MTHFD1: variants seen among roughly 807,000 people sequenced by gnomAD.
MTHFD1 encodes the protein methylenetetrahydrofolate dehydrogenase, cyclohydrolase and formyltetrahydrofolate synthetase 1, also known as C-1-tetrahydrofolate synthase, cytoplasmic.
MTHFD1 carries 44 observed loss-of-function variants against 110.3 expected under a neutral mutation model. That is an observed-to-expected ratio of 0.40 (90% CI 0.31 to 0.51). The LOEUF (loss-of-function observed/expected upper bound fraction) is 0.51. MTHFD1 is among the 20% of genes least tolerant of loss of function. The pLI is 0.60. For missense variants in MTHFD1, 909 were observed against 1,173.1 expected, an observed-to-expected ratio of 0.77 and a Z score of 3.29; for synonymous variants, 402 against 428.8, an observed-to-expected ratio of 0.94 and a Z score of 0.77.
Position 64,422,141 on chromosome 14 carries a change from A to G in MTHFD1, c.727+2216A>G, listed in dbSNP as rs371451230. Among the ~76,000 whole-genome samples, 12 of 152,262 alleles carry G rather than the reference A, an allele frequency of 7.9e-5. No individual in the cohort carries two copies. The East Asian group carries it at 1.5e-3, about 20-fold the overall frequency. On this transcript the variant is annotated intron_variant, in intron 8 of 27. Coordinates refer to ENST00000652337, the MANE Select transcript of MTHFD1 (RefSeq NM_005956.4). ...AAAATATGAATAAAATCAAAGCAGT[A>G]TCTTCCCTTCTGGTCAACAGTGTTT...
At chr14:64,448,384 G>A (rs1474973512) in intron 23 of MTHFD1, 67 bp downstream of exon 23, 4 of 1,214,910 alleles carry the variant, frequency 3.3e-6, no homozygotes, top group Non-Finnish European at 1.2e-6. Flanking sequence ...GTACAGCACT[G>A]CTTTTAGCTT....
At chr14:64,413,807 A>T (rs1684496681) in intron 4 of MTHFD1, among the ~76,000 whole-genome samples, 1 of 152,124 alleles carries the variant, frequency 6.6e-6, no homozygotes, top group South Asian at 2.1e-4. Flanking sequence ...ATAAGTTATT[A>T]GAGTTCTTAG....
rs141132860 is a variant in MTHFD1 at position 64,430,238 on chromosome 14, A to G, written c.1311+8A>G. ...GTCATTCCTATGGAAGAGGTAAAGT[A>G]TTCTGGGATTTGGCTGAATTAGATC... is the stretch of plus-strand genomic sequence containing the variant. On this transcript the variant is annotated splice_region_variant and intron_variant, in intron 13 of 27. Transcript: ENST00000652337. 6.5e-4 allele frequency: 1,041 copies of G among 1,613,122 alleles called. 14 individuals are homozygous for G. In the Admixed American group the frequency reaches 0.013, roughly 21 times the overall value.
In MTHFD1 at chr14:64,441,676, G is replaced by C. The variant is rs574410917; in HGVS notation, c.1884+223G>C. ...AAAAAATTAGCCGGGCATGGTGGCG[G>C]GCGCCTGTAGTCCCAGCTGCTCGGA... On this transcript the variant is annotated intron_variant, in intron 19 of 27. Coordinates refer to ENST00000652337, the MANE Select transcript of MTHFD1 (RefSeq NM_005956.4). The C allele has an allele frequency of 2.5e-5, 14 of 571,066 alleles. 1 individual carries two copies. The highest frequency in any genetic ancestry group is 3.5e-5 in the Non-Finnish European group (11 of 314,784). 35.4% of individuals were successfully genotyped at this position (571,066 alleles called of 1,614,324 possible).
chr14:64,440,193 A>G lies in MTHFD1; in HGVS notation c.1742A>G (p.Asp581Gly), dbSNP rs150470243. The change falls in exon 18 of 28, where the codon GAC becomes GGC. Residue 581 changes from aspartate to glycine, a missense_variant. Asp to Gly is a moderately conservative substitution (Grantham distance 94). Around this residue, in one of 3 missense-constraint regions of MTHFD1, gnomAD observed 482 missense variants for 646.0 expected, o/e 0.75. Transcript: ENST00000652337. ...AVLALTTSLE[D>G]MRERLGKMVV... ...CTGGCTCTCACCACTTCTCTAGAAG[A>G]CATGAGAGAGAGACTGGGCAAAATG... 3.1e-6 allele frequency: 5 copies of G among 1,614,058 alleles called. No homozygotes were observed. The African/African-American group carries it at 4.0e-5, about 13-fold the overall frequency.
At chr14:64,425,069 T>G in intron 9 of MTHFD1, 138 bp downstream of exon 9, 2 of 1,084,510 alleles carry the variant, frequency 1.8e-6, no homozygotes, top group African/African-American at 1.6e-5. Context: ...AAGGGAAGAA[T>G]AGAGAAATAA....
chr14:64,393,630 A>G (rs1174050275), intron 1 of MTHFD1, among the ~76,000 whole-genome samples: 2 of 152,102 alleles, frequency 1.3e-5, no homozygotes, highest in Non-Finnish European at 1.5e-5. Context: ...GCCAACTACT[A>G]TGGTCATGGC....
At chr14:64,420,689 G>A (rs2078062123) in intron 8 of MTHFD1, among the ~76,000 whole-genome samples, 1 of 151,990 alleles carries the variant, frequency 6.6e-6, no homozygotes, top group Non-Finnish European at 1.5e-5. Context: ...CTCTCGCCTT[G>A]CCACGTTCAC....
At chr14:64,399,754 T>C (rs897749425) in intron 1 of MTHFD1, among the ~76,000 whole-genome samples, 17 of 151,920 alleles carry the variant, frequency 1.1e-4, no homozygotes, top group African/African-American at 3.9e-4. Flanking sequence ...AACCAGATAA[T>C]GTCCATTCAG....
intron 24 of MTHFD1, among the ~76,000 whole-genome samples, chr14:64,453,454 C>A (rs2078410918): frequency 6.6e-6 from 1 of 152,018 alleles, no homozygotes; most frequent in Admixed American, 6.5e-5. Flanking sequence ...GCCTATAATC[C>A]CAGCTACTCG....
chr14:64,399,995 A>T (rs2077884210), intron 1 of MTHFD1, among the ~76,000 whole-genome samples: 2 of 152,164 alleles, frequency 1.3e-5, no homozygotes, highest in African/African-American at 4.8e-5. Flanking sequence ...GGATAGTCTT[A>T]AACTCCTGTT....
At chr14:64,458,987 G>C (rs528827712) in intron 27 of MTHFD1, among the ~76,000 whole-genome samples, 1 of 152,116 alleles carries the variant, frequency 6.6e-6, no homozygotes, top group South Asian at 2.1e-4. Flanking sequence ...TTTCTCCAGA[G>C]ACGAAAAAAG....
intron 24 of MTHFD1, among the ~76,000 whole-genome samples, chr14:64,451,013 C>T (rs1344408942): frequency 4.6e-5 from 7 of 151,948 alleles, no homozygotes; most frequent in African/African-American, 1.7e-4. Flanking sequence ...ACTAAAAATA[C>T]AAAAAATTAG....
At chr14:64,409,589 G>A (rs1347608751) in intron 2 of MTHFD1, among the ~76,000 whole-genome samples, 1 of 152,090 alleles carries the variant, frequency 6.6e-6, no homozygotes, top group Admixed American at 6.5e-5. Context: ...AGGGTTGGGT[G>A]GTGGGGCAAA....
At chr14:64,430,130 A>G in intron 12 of MTHFD1, 54 bp from the exon 13 acceptor site, 1 of 1,478,100 alleles carries the variant, frequency 6.8e-7, no homozygotes. Flanking sequence ...TTTGATTTCT[A>G]AGTCATTGGA....
chr14:64,397,146 T>G (rs1356039893), intron 1 of MTHFD1, among the ~76,000 whole-genome samples: 1 of 1,182 alleles, frequency 8.5e-4, no homozygotes, highest in Non-Finnish European at 1.4e-3. Flanking sequence ...AAAATATATA[T>G]ATATATATAT....
intron 2 of MTHFD1, among the ~76,000 whole-genome samples, chr14:64,409,580 G>A (rs2077965416): frequency 6.6e-6 from 1 of 152,128 alleles, no homozygotes; most frequent in South Asian, 2.1e-4. Flanking sequence ...GAACCAGTGA[G>A]GGTTGGGTGG....
At chr14:64,398,174 AT>A (rs2077871972) in intron 1 of MTHFD1, among the ~76,000 whole-genome samples, 2 of 147,356 alleles carry the variant, frequency 1.4e-5, no homozygotes, top group East Asian at 3.9e-4. Context: ...AAAAAAAAAA[AT>A]TCCAATGGTC....
intron 8 of MTHFD1, among the ~76,000 whole-genome samples, chr14:64,421,526 C>G (rs184050559): frequency 6.6e-4 from 101 of 152,334 alleles, no homozygotes; most frequent in Middle Eastern, 6.8e-3. Context: ...GTGTAATTAT[C>G]TAACAGGCGA....
Sources: allele counts gnomAD v4.1 joint callset (sites outside exome capture counted in the v4.1 genomes callset), GRCh38; gene constraint gnomAD v4.1.1; regional missense constraint gnomAD v4.1.1; transcripts MANE v1.5; gene names NCBI Gene and HGNC (gene_info 2026-07-23, HGNC 2026-07-21).